OPCML: variants seen among roughly 807,000 people sequenced by gnomAD.
OPCML encodes opioid binding protein/cell adhesion molecule like, also known as opioid-binding protein/cell adhesion molecule.
OPCML carries 13 observed loss-of-function variants against 37.8 expected under a neutral mutation model. The ratio of observed to expected loss-of-function variants is 0.34; its 90% CI spans 0.22 to 0.55. The LOEUF is 0.55. Among genes scored for constraint, OPCML ranks in the 20% least tolerant of loss-of-function variants. The pLI is 0.91. For missense variants in OPCML, 341 were observed against 435.6 expected (o/e 0.78, Z 1.93); for synonymous variants, 176 against 168.8 (o/e 1.04, Z -0.33).
At chr11:132,446,430 T>A (rs1197667155) in intron 4 of OPCML, among the ~76,000 whole-genome samples, 1 of 151,930 alleles carries the variant, frequency 6.6e-6, no homozygotes, top group Non-Finnish European at 1.5e-5. Context: ...GAAGCTTAAA[T>A]CCATTTGATG....
chr11:132,434,796 C>T (rs1029924269), intron 7 of OPCML, among the ~76,000 whole-genome samples: 2 of 152,104 alleles, frequency 1.3e-5, no homozygotes, highest in African/African-American at 4.8e-5. Flanking sequence ...GGTGACGTCC[C>T]CACTGAGACA....
chr11:132,529,859 A>G (rs1228681625), intron 3 of OPCML, among the ~76,000 whole-genome samples: 1 of 152,198 alleles, frequency 6.6e-6, no homozygotes, highest in African/African-American at 2.4e-5. Context: ...TACTGTAACC[A>G]TGAGATTGTA....
intron 3 of OPCML, among the ~76,000 whole-genome samples, chr11:132,580,297 G>A (rs768887077): frequency 3.3e-5 from 5 of 152,110 alleles, no homozygotes; most frequent in South Asian, 2.1e-4. Context: ...GAAATATGAC[G>A]AATCTGTTTA....
intron 2 of OPCML, among the ~76,000 whole-genome samples, chr11:132,874,150 CTTCTT>C (rs1942919873): frequency 6.6e-6 from 1 of 152,190 alleles, no homozygotes; most frequent in African/African-American, 2.4e-5. Context: ...CAATTATATA[CTTCTT>C]TTCTCCCCAT....
chr11:133,532,043 G>C (rs910505984), intron 1 of OPCML: 5 of 282,468 alleles, frequency 1.8e-5, no homozygotes, highest in Non-Finnish European at 2.6e-5. Flanking sequence ...TGGATCCCCC[G>C]GAACAGAGAG....
intron 2 of OPCML, among the ~76,000 whole-genome samples, chr11:132,744,879 C>A (rs1945560869): frequency 6.6e-6 from 1 of 152,202 alleles, no homozygotes; most frequent in Admixed American, 6.5e-5. Flanking sequence ...AATCAACATT[C>A]ACGAGCAAGC....
chr11:132,640,303 A>AT (rs1940777404), intron 3 of OPCML, among the ~76,000 whole-genome samples: 1 of 152,114 alleles, frequency 6.6e-6, no homozygotes, highest in Non-Finnish European at 1.5e-5. Flanking sequence ...GGAAGCAAAA[A>AT]TTAGGAACCC....
At chr11:133,112,715 C>G (rs1949275586) in intron 1 of OPCML, among the ~76,000 whole-genome samples, 2 of 152,176 alleles carry the variant, frequency 1.3e-5, no homozygotes, top group African/African-American at 4.8e-5. Context: ...CTTCGTCTTT[C>G]TCTCACACTG....
At chr11:132,899,284 G>A (rs1943963451) in intron 2 of OPCML, among the ~76,000 whole-genome samples, 1 of 152,176 alleles carries the variant, frequency 6.6e-6, no homozygotes, top group African/African-American at 2.4e-5. Flanking sequence ...TTAAGGATAT[G>A]TTTTGGTGTA....
intron 4 of OPCML, among the ~76,000 whole-genome samples, chr11:132,459,808 C>A (rs976284709): frequency 1.3e-5 from 2 of 152,104 alleles, no homozygotes; most frequent in African/African-American, 2.4e-5. Flanking sequence ...GCACTGGGAA[C>A]CTGTCAAGCT....
intron 1 of OPCML, among the ~76,000 whole-genome samples, chr11:132,969,181 T>A (rs1399996946): frequency 6.6e-6 from 1 of 151,654 alleles, no homozygotes; most frequent in Non-Finnish European, 1.5e-5. Context: ...TTTTTTAACG[T>A]TAGTTTTGCT....
At chr11:132,570,142 C>G (rs1290068858) in intron 3 of OPCML, among the ~76,000 whole-genome samples, 1 of 152,074 alleles carries the variant, frequency 6.6e-6, no homozygotes, top group Admixed American at 6.5e-5. Flanking sequence ...AACTGTATGC[C>G]ACAGGCCAAA....
At chr11:133,315,531 G>T (rs972977550) in intron 1 of OPCML, among the ~76,000 whole-genome samples, 1 of 152,236 alleles carries the variant, frequency 6.6e-6, no homozygotes, top group Non-Finnish European at 1.5e-5. Flanking sequence ...GGGTGTGGTG[G>T]CTCACGCCTA....
intron 2 of OPCML, among the ~76,000 whole-genome samples, chr11:132,917,331 T>C (rs2136566370): frequency 6.6e-6 from 1 of 152,312 alleles, no homozygotes; most frequent in East Asian, 1.9e-4. Context: ...AAGACAGTTA[T>C]TGTTCTCTAT....
intron 2 of OPCML, among the ~76,000 whole-genome samples, chr11:132,660,196 G>T (rs1941902927): frequency 6.6e-6 from 1 of 152,122 alleles, no homozygotes; most frequent in Non-Finnish European, 1.5e-5. Flanking sequence ...AGAATGAGAT[G>T]GAGTTCAGGA....
chr11:133,063,643 C>A (rs1055760502), intron 1 of OPCML, among the ~76,000 whole-genome samples: 5 of 151,648 alleles, frequency 3.3e-5, no homozygotes, highest in African/African-American at 1.2e-4. Context: ...CTCACTACAA[C>A]CTCCGCCTCC....
intron 1 of OPCML, among the ~76,000 whole-genome samples, chr11:133,411,475 T>C (rs1252243520): frequency 6.6e-6 from 1 of 152,084 alleles, no homozygotes; most frequent in African/African-American, 2.4e-5. Context: ...AAAGGAACCC[T>C]TGGGAAGAAA....
At chr11:133,147,160 G>A (rs958857336) in intron 1 of OPCML, among the ~76,000 whole-genome samples, 1 of 152,172 alleles carries the variant, frequency 6.6e-6, no homozygotes, top group African/African-American at 2.4e-5. Flanking sequence ...AGCTCTTCAG[G>A]GGGGTGTTCC....
chr11:132,912,342 G>C (rs1944453776), intron 2 of OPCML, among the ~76,000 whole-genome samples: 1 of 152,106 alleles, frequency 6.6e-6, no homozygotes, highest in African/African-American at 2.4e-5. Context: ...TTTTGAAACT[G>C]TTATATTAGG....
Sources: allele counts gnomAD v4.1 joint callset (sites outside exome capture counted in the v4.1 genomes callset), GRCh38; gene constraint gnomAD v4.1.1; transcripts MANE v1.5; gene names NCBI Gene and HGNC (gene_info 2026-07-23, HGNC 2026-07-21).